ZSWIM9: variants seen among roughly 807,000 people sequenced by gnomAD.
The protein encoded by ZSWIM9 is uncharacterized protein ZSWIM9.
Under a neutral mutation model 25.0 loss-of-function variants are expected in ZSWIM9, and 11 were observed. That is an observed-to-expected ratio of 0.44 (90% CI 0.28 to 0.73). ZSWIM9 has a LOEUF of 0.73. ZSWIM9 is among the 30% of genes least tolerant of loss of function. ZSWIM9 has a pLI of 0.16. For synonymous variants in ZSWIM9, 562 were observed against 582.1 expected (o/e 0.97, Z 0.50); for missense variants, 1,070 against 1,296.5 (o/e 0.83, Z 2.68).
intron 2 of ZSWIM9, among the ~76,000 whole-genome samples, chr19:48,177,928 G>A (rs987983943): frequency 1.3e-5 from 2 of 152,132 alleles, no homozygotes; most frequent in South Asian, 2.1e-4. Flanking sequence ...ATGGAGCTTC[G>A]CTCTTGTCGC....
intron 3 of ZSWIM9, chr19:48,183,015 T>G: frequency 2.0e-6 from 1 of 507,372 alleles, no homozygotes; most frequent in South Asian, 2.7e-5. Context: ...TCTTCCAGGA[T>G]GGAAACGTTC....
At chr19:48,188,624 A>G (rs1321080093) in intron 3 of ZSWIM9, among the ~76,000 whole-genome samples, 1 of 152,206 alleles carries the variant, frequency 6.6e-6, no homozygotes, top group Non-Finnish European at 1.5e-5. Flanking sequence ...CAGGGTAACC[A>G]GCAAGCAAGC....
Position 48,182,757 on chromosome 19 carries a change from C to A in ZSWIM9, c.578C>A (p.Pro193His). The A allele has an allele frequency of 6.6e-7, 1 of 1,526,034 alleles. No individual in the cohort carries two copies. 94.5% of individuals were successfully genotyped at this position (1,526,034 alleles called of 1,614,324 possible). A position where few individuals can be genotyped will look rare whatever the true frequency, so the allele number is the denominator to read the frequency against. ...CTCGAGGGCCTCTTCCGCACCGACCCCGAGGCCAAGGTGGGGTCTCGAGAG... is the reference window on the plus strand; with the variant it reads ...CTCGAGGGCCTCTTCCGCACCGACCACGAGGCCAAGGTGGGGTCTCGAGAG... ...HVLEGLFRTD[P>H]EAKVKLVFVE... Residue 193 changes from proline (P) to histidine (H), a missense_variant, in exon 3 of 4, where the codon CCC becomes CAC. Around this residue, in one of 4 missense-constraint regions of ZSWIM9, gnomAD observed 265 missense variants for 339.0 expected, o/e 0.78. Transcript: ENST00000614654. This position sits in a 1 kb window ranked among gnomAD's most constrained non-coding sequence, Gnocchi z 4.6.
Position 48,182,868 on chromosome 19 carries a change from C to T in ZSWIM9, c.588+101C>T, listed in dbSNP as rs1290696291. The T allele has an allele frequency of 3.7e-6, 3 of 811,724 alleles. No homozygotes were observed. The highest frequency in any genetic ancestry group is 1.7e-5 in the African/African-American group (1 of 58,020). 50.3% of individuals were successfully genotyped at this position (811,724 alleles called of 1,614,324 possible). ...CTTCATCCGCCCTCTCATCCCTTCA[C>T]TCCTTTCCTCCATTCATCCGTTCAT... On this transcript the variant is annotated intron_variant, in intron 3 of 3. Transcript: ENST00000614654. The surrounding 1 kb of genome is among the most constrained non-coding windows in gnomAD (Gnocchi z 4.6).
In ZSWIM9 at chr19:48,194,769, G is replaced by C; in HGVS notation, c.705G>C (p.Pro235=). 1 of 1,532,694 alleles carries C rather than the reference G, an allele frequency of 6.5e-7. No individual in the cohort carries two copies. Among genetic ancestry groups the C allele is most frequent in the Non-Finnish European group, 8.7e-7 (1 of 1,145,382 alleles). The allele number at this position is 1,532,694 out of a possible 1,614,324, so 94.9% of individuals were successfully genotyped here. The change falls in exon 4 of 4, where the codon CCG becomes CCC. Residue 235 remains proline, a synonymous_variant. Coordinates refer to ENST00000614654, the MANE Select transcript of ZSWIM9 (RefSeq NM_199341.4). The surrounding 1 kb of genome is among the most constrained non-coding windows in gnomAD (Gnocchi z 6.0). ...GCATGCTGCTGGTGGACCGGCTGCC[G>C]GGGCTGCAGGGCGCGCTGGATCTGC... ...FPRMLLVDRL[P]GLQGALDLLA... is the part of the protein sequence containing the mutation.
At chr19:48,185,144 T>C (rs2036995309) in intron 3 of ZSWIM9, among the ~76,000 whole-genome samples, 1 of 151,406 alleles carries the variant, frequency 6.6e-6, no homozygotes, top group Non-Finnish European at 1.5e-5. Flanking sequence ...ATACTTTTTT[T>C]TTTTTTTTTT....
chr19:48,171,419 A>G (rs563020269), intron 1 of ZSWIM9: 6 of 981,520 alleles, frequency 6.1e-6, no homozygotes, highest in Non-Finnish European at 7.3e-6. Context: ...CTGGAAGGGG[A>G]GGAGGTTTTA....
Position 48,195,949 on chromosome 19 carries a change from GGGGC to G in ZSWIM9, c.1887_1890del (p.Ala630SerfsTer10), listed in dbSNP as rs1285429576. 1 of 1,329,090 alleles carries G rather than the reference GGGGC, an allele frequency of 7.5e-7. No individual in the cohort carries two copies. Among genetic ancestry groups the G allele is most frequent in the Admixed American group, 3.8e-5 (1 of 26,168 alleles). The allele number at this position is 1,329,090 out of a possible 1,614,324, so 82.3% of individuals were successfully genotyped here. A position where few individuals can be genotyped will look rare whatever the true frequency, so the allele number is the denominator to read the frequency against. On this transcript the variant is annotated frameshift_variant, in exon 4 of 4. Transcript: ENST00000614654. LOFTEE classifies it low-confidence loss of function (END_TRUNC). This position sits in a 1 kb window ranked among gnomAD's most constrained non-coding sequence, Gnocchi z 5.8. ...GAGTCTTGAAGGAAGCCCCTGGAGG[GGGGC>G]GCAGCTGCACGATGAAAGGGCAGGG...
intron 3 of ZSWIM9, among the ~76,000 whole-genome samples, chr19:48,188,849 G>A (rs2037061319): frequency 6.6e-6 from 1 of 151,842 alleles, no homozygotes; most frequent in Non-Finnish European, 1.5e-5. Flanking sequence ...GGCTAACATG[G>A]TGAAACCCCG....
intron 3 of ZSWIM9, among the ~76,000 whole-genome samples, chr19:48,188,303 A>C: frequency 6.7e-6 from 1 of 150,244 alleles, no homozygotes. Flanking sequence ...GCTCAGCACG[A>C]CCTCCATCTC....
In ZSWIM9 at chr19:48,195,967, G is replaced by C; in HGVS notation, c.1903G>C (p.Glu635Gln). The C allele has an allele frequency of 7.6e-7, 1 of 1,314,882 alleles. No homozygotes were observed. Among genetic ancestry groups the C allele is most frequent in the Non-Finnish European group, 9.7e-7 (1 of 1,036,230 alleles). 81.5% of individuals were successfully genotyped at this position (1,314,882 alleles called of 1,614,324 possible). A position where few individuals can be genotyped will look rare whatever the true frequency, so the allele number is the denominator to read the frequency against. The change falls in exon 4 of 4, where the codon GAA (glutamate) becomes CAA (glutamine). Residue 635 changes from glutamate to glutamine, a missense_variant. Transcript: ENST00000614654. This position sits in a 1 kb window ranked among gnomAD's most constrained non-coding sequence, Gnocchi z 5.8. The stretch of plus-strand genomic sequence containing the variant: ...CTGGAGGGGGGCGCAGCTGCACGAT[G>C]AAAGGGCAGGGGGACTGAGAACTGC... ...SPWRGAQLHD[E>Q]RAGGLRTAEW...
Position 48,196,520 on chromosome 19 carries a change from A to G in ZSWIM9, c.2456A>G (p.Asp819Gly). The G allele has an allele frequency of 1.6e-6, 2 of 1,232,462 alleles. No homozygotes were observed. The highest frequency in any genetic ancestry group is 2.0e-6 in the Non-Finnish European group (2 of 988,292). The allele number at this position is 1,232,462 out of a possible 1,614,324, so 76.3% of individuals were successfully genotyped here. A position where few individuals can be genotyped will look rare whatever the true frequency, so the allele number is the denominator to read the frequency against. Reference protein sequence around the residue: ...LCRPPGEEEVDWEPLAKFRAA... With the variant: ...LCRPPGEEEVGWEPLAKFRAA... ...CGACCCCCGGGAGAGGAGGAGGTGG[A>G]CTGGGAACCCCTGGCCAAATTCCGA... The change falls in exon 4 of 4, where the codon GAC (aspartate) becomes GGC (glycine). Residue 819 changes from aspartate to glycine, a missense_variant. Physicochemically the swap from Asp to Gly is moderately conservative, Grantham distance 94. Coordinates refer to ENST00000614654, the MANE Select transcript of ZSWIM9 (RefSeq NM_199341.4).
In ZSWIM9 at chr19:48,197,236, G is replaced by A; in HGVS notation, c.*409G>A. ...GGAGTGCAGCGGGGAGAGGGGAAAGGGAGAAAGTACAGAAGACAGATGAAG... is the reference window on the plus strand; with the variant it reads ...GGAGTGCAGCGGGGAGAGGGGAAAGAGAGAAAGTACAGAAGACAGATGAAG... On this transcript the variant is annotated 3_prime_UTR_variant, in exon 4 of 4. Coordinates refer to ENST00000614654, the MANE Select transcript of ZSWIM9 (RefSeq NM_199341.4). 1 of 702,494 alleles carries A rather than the reference G, an allele frequency of 1.4e-6. No individual in the cohort carries two copies. Among genetic ancestry groups the A allele is most frequent in the South Asian group, 1.5e-5 (1 of 67,548 alleles). 43.5% of individuals were successfully genotyped at this position (702,494 alleles called of 1,614,324 possible).
chr19:48,173,208 C>G (rs944779292), intron 2 of ZSWIM9, among the ~76,000 whole-genome samples: 2 of 152,230 alleles, frequency 1.3e-5, no homozygotes, highest in African/African-American at 4.8e-5. Context: ...TTCCCTACAA[C>G]TGTGCAAAGA....
Position 48,182,509 on chromosome 19 carries a change from G to A in ZSWIM9, c.330G>A (p.Arg110=). 1 of 1,535,812 alleles carries A rather than the reference G, an allele frequency of 6.5e-7. No individual in the cohort carries two copies. The highest frequency in any genetic ancestry group is 8.7e-7 in the Non-Finnish European group (1 of 1,146,704). Residue 110 remains arginine, a synonymous_variant, in exon 3 of 4, where the codon CGG becomes CGA. Transcript: ENST00000614654. This position sits in a 1 kb window ranked among gnomAD's most constrained non-coding sequence, Gnocchi z 4.6. ...TCATCGTCAAGCTGAGCCCGCTGCGGGACCGCCTCGTGGTGACGGAGTGCC... is the reference window on the plus strand; with the variant it reads ...TCATCGTCAAGCTGAGCCCGCTGCGAGACCGCCTCGTGGTGACGGAGTGCC... ...AFIIVKLSPL[R]DRLVVTECQL... is the part of the protein sequence containing the mutation.
intron 3 of ZSWIM9, among the ~76,000 whole-genome samples, chr19:48,188,803 G>T (rs192525812): frequency 6.6e-6 from 1 of 151,910 alleles, no homozygotes; most frequent in African/African-American, 2.4e-5. Context: ...AGGCTGAGGC[G>T]GGTGGATCAC....
At chr19:48,178,988 C>T (rs1211940441) in intron 2 of ZSWIM9, among the ~76,000 whole-genome samples, 1 of 152,204 alleles carries the variant, frequency 6.6e-6, no homozygotes, top group Non-Finnish European at 1.5e-5. Context: ...CATTTACTAC[C>T]TGGCCCTTTG....
intron 2 of ZSWIM9, among the ~76,000 whole-genome samples, chr19:48,176,912 T>TG (rs2036898819): frequency 6.7e-6 from 1 of 148,382 alleles, no homozygotes; most frequent in Non-Finnish European, 1.5e-5. Context: ...AAAATAAAAA[T>TG]TAAAAAAAAA....
chr19:48,180,247 C>T (rs1462189565), intron 2 of ZSWIM9, among the ~76,000 whole-genome samples: 1 of 152,038 alleles, frequency 6.6e-6, no homozygotes, highest in Non-Finnish European at 1.5e-5. Flanking sequence ...AATTCCCAAC[C>T]TCAGGTGATC....
Sources: gnomAD v4.1 joint callset for allele counts (sites outside exome capture counted in the v4.1 genomes callset) on GRCh38, gnomAD v4.1.1 for gene constraint, gnomAD v4.1.1 regional missense constraint, Gnocchi (gnomAD v3.1) non-coding constraint, MANE v1.5 for transcripts, NCBI Gene and HGNC (gene_info 2026-07-23, HGNC 2026-07-21) for gene names.